Variants in REDIC1 observed in about 807,000 individuals in gnomAD.
REDIC1 encodes the protein regulator of DNA class I crossover intermediates 1, also known as HEI10 Interacting Protein 1.
the REDIC1 span, chr12:39,647,894 A>G: frequency 6.2e-7 from 1 of 1,607,690 alleles, no homozygotes; most frequent in Non-Finnish European, 8.5e-7. Context: ...ACCTTCTAAC[A>G]GACATATTTC....
the REDIC1 span, among the ~76,000 whole-genome samples, chr12:39,904,442 A>G: frequency 1.3e-5 from 2 of 152,110 alleles, no homozygotes; most frequent in East Asian, 1.9e-4. Context: ...AGGTCTTTCT[A>G]AGGACAGTAG....
At chr12:39,766,948 A>G in the REDIC1 span, among the ~76,000 whole-genome samples, 1 of 152,068 alleles carries the variant, frequency 6.6e-6, no homozygotes, top group South Asian at 2.1e-4. Context: ...AGTCATCCAT[A>G]AAGGTTGGAA....
At chr12:39,637,721 A>G in the REDIC1 span, among the ~76,000 whole-genome samples, 1 of 152,116 alleles carries the variant, frequency 6.6e-6, no homozygotes, top group Non-Finnish European at 1.5e-5. Flanking sequence ...GAATGCTTTT[A>G]GCAATGACTA....
chr12:39,627,778 C>T, the REDIC1 span, among the ~76,000 whole-genome samples: 4 of 151,898 alleles, frequency 2.6e-5, no homozygotes, highest in Admixed American at 1.3e-4. Context: ...CTAAATTTAA[C>T]GTTTTATTTG....
chr12:39,672,301 G>A, the REDIC1 span, among the ~76,000 whole-genome samples: 2 of 152,056 alleles, frequency 1.3e-5, no homozygotes, highest in Non-Finnish European at 1.5e-5. Flanking sequence ...AGTGAACAGG[G>A]CAGGCTGGTC....
At chr12:39,779,984 T>C in the REDIC1 span, among the ~76,000 whole-genome samples, 1 of 152,234 alleles carries the variant, frequency 6.6e-6, no homozygotes. Context: ...TTTCAATCCA[T>C]TTTATAGCTG....
the REDIC1 span, among the ~76,000 whole-genome samples, chr12:39,880,715 C>G: frequency 6.6e-6 from 1 of 152,162 alleles, no homozygotes; most frequent in Non-Finnish European, 1.5e-5. Context: ...CCAATGTTGC[C>G]AATGTGACCT....
chr12:39,788,253 A>C, the REDIC1 span, among the ~76,000 whole-genome samples: 2 of 152,282 alleles, frequency 1.3e-5, no homozygotes. Context: ...TAAGAGATTA[A>C]CAATAATAAC....
chr12:39,639,307 A>G, the REDIC1 span, among the ~76,000 whole-genome samples: 2 of 152,012 alleles, frequency 1.3e-5, no homozygotes, highest in African/African-American at 4.8e-5. Flanking sequence ...CAATTAAGAC[A>G]TAGCTAATGA....
the REDIC1 span, among the ~76,000 whole-genome samples, chr12:39,627,322 G>C: frequency 6.6e-6 from 1 of 152,184 alleles, no homozygotes; most frequent in African/African-American, 2.4e-5. Flanking sequence ...CTGGAGAAAA[G>C]TGAAAATTTA....
chr12:39,848,715 T>C, the REDIC1 span, among the ~76,000 whole-genome samples: 3,400 of 152,242 alleles, frequency 0.022, 118 homozygotes, highest in African/African-American at 0.078. Flanking sequence ...TAAAGACACA[T>C]GCATGGGAAT....
chr12:39,716,085 G>A, the REDIC1 span, among the ~76,000 whole-genome samples: 3 of 151,808 alleles, frequency 2.0e-5, no homozygotes, highest in African/African-American at 7.3e-5. Context: ...CATATAGTAG[G>A]GCATGTGATC....
chr12:39,787,520 A>G, the REDIC1 span, among the ~76,000 whole-genome samples: 7 of 152,020 alleles, frequency 4.6e-5, no homozygotes, highest in Non-Finnish European at 8.8e-5. Flanking sequence ...TTATTTATTT[A>G]TCCCAGGCAT....
the REDIC1 span, among the ~76,000 whole-genome samples, chr12:39,702,401 G>C: frequency 6.6e-6 from 1 of 152,178 alleles, no homozygotes; most frequent in South Asian, 2.1e-4. Context: ...TTGAATCCCT[G>C]AATAGGCCAA....
chr12:39,711,712 CATGTGTATGCACATGCAT>C, the REDIC1 span, among the ~76,000 whole-genome samples: 1 of 11,202 alleles, frequency 8.9e-5, no homozygotes, highest in Non-Finnish European at 4.0e-4. Flanking sequence ...TATACACATG[CATGTGTATGCACATGCAT>C]GTGTGTATGT....
the REDIC1 span, among the ~76,000 whole-genome samples, chr12:39,852,205 C>T: frequency 6.6e-6 from 1 of 152,176 alleles, no homozygotes; most frequent in Non-Finnish European, 1.5e-5. Flanking sequence ...TCACATGAAT[C>T]CGTGTTTTCA....
the REDIC1 span, among the ~76,000 whole-genome samples, chr12:39,872,516 A>G: frequency 6.6e-6 from 1 of 152,198 alleles, no homozygotes; most frequent in South Asian, 2.1e-4. Context: ...GACCCATGAG[A>G]ATCATTTATG....
At chr12:39,634,072 G>T in the REDIC1 span, among the ~76,000 whole-genome samples, 30 of 152,226 alleles carry the variant, frequency 2.0e-4, no homozygotes, top group Admixed American at 1.6e-3. Flanking sequence ...AGCTTGGAAG[G>T]TTCTTCCATT....
At chr12:39,640,333 T>C in the REDIC1 span, among the ~76,000 whole-genome samples, 1 of 151,920 alleles carries the variant, frequency 6.6e-6, no homozygotes, top group Non-Finnish European at 1.5e-5. Flanking sequence ...ATCAAATCTG[T>C]TGGTGCCTTG....
Sources: allele counts gnomAD v4.1 joint callset (sites outside exome capture counted in the v4.1 genomes callset), GRCh38; gene constraint gnomAD v4.1.1; transcripts MANE v1.5; gene names NCBI Gene and HGNC (gene_info 2026-07-23, HGNC 2026-07-21).